MRPS27: variants seen among roughly 807,000 people sequenced by gnomAD.
MRPS27 encodes the protein mitochondrial ribosomal protein S27.
A neutral mutation model predicts 48.9 loss-of-function variants in MRPS27; 43 were observed. That is an observed-to-expected ratio of 0.88 (90% CI 0.69 to 1.13). The LOEUF is 1.13. Ranked by LOEUF, MRPS27 falls within the 50% of genes most tolerant of loss-of-function variation. MRPS27 has a pLI of 0.00. For synonymous variants in MRPS27, 188 were observed against 171.9 expected, an observed-to-expected ratio of 1.09 and a Z score of -0.73; for missense variants, 467 against 476.3, an observed-to-expected ratio of 0.98 and a Z score of 0.18.
At chr5:72,303,013 G>T (rs924213563) in intron 2 of MRPS27, among the ~76,000 whole-genome samples, 1 of 152,158 alleles carries the variant, frequency 6.6e-6, no homozygotes, top group Non-Finnish European at 1.5e-5. Flanking sequence ...ACCAAGCTGA[G>T]AATTTTGTTT....
chr5:72,311,887 C>T (rs2112088416), intron 2 of MRPS27, among the ~76,000 whole-genome samples: 1 of 152,266 alleles, frequency 6.6e-6, no homozygotes, highest in East Asian at 1.9e-4. Flanking sequence ...AATCCCAGCA[C>T]TTTGGGAGGC....
chr5:72,271,912 C>G (rs964547912), intron 4 of MRPS27, among the ~76,000 whole-genome samples: 1 of 152,168 alleles, frequency 6.6e-6, no homozygotes, highest in Non-Finnish European at 1.5e-5. Flanking sequence ...TAGGCTCACA[C>G]TGGGACACAA....
At chr5:72,224,332 C>T (rs551714384) in intron 9 of MRPS27, among the ~76,000 whole-genome samples, 10 of 152,314 alleles carry the variant, frequency 6.6e-5, no homozygotes, top group Non-Finnish European at 1.0e-4. Context: ...GCACTCCAGC[C>T]TGGGTGACAT....
intron 5 of MRPS27, among the ~76,000 whole-genome samples, chr5:72,234,809 C>A (rs1001006364): frequency 2.6e-5 from 4 of 152,054 alleles, no homozygotes; most frequent in Admixed American, 6.6e-5. Flanking sequence ...ACCTATAGAA[C>A]CAGAATCTGT....
At chr5:72,283,308 A>G (rs1333505597) in intron 4 of MRPS27, among the ~76,000 whole-genome samples, 9 of 152,260 alleles carry the variant, frequency 5.9e-5, no homozygotes, top group South Asian at 2.1e-4. Context: ...TCTAGGTTTA[A>G]TTAATTCTAT....
chr5:72,304,364 G>A (rs1399558420), intron 2 of MRPS27, among the ~76,000 whole-genome samples: 1 of 152,156 alleles, frequency 6.6e-6, no homozygotes, highest in East Asian at 1.9e-4. Context: ...TGGTAATCAT[G>A]AAATGATAAT....
intron 1 of MRPS27, 177 bp from the exon 2 acceptor site, chr5:72,314,335 T>C (rs1750514821): frequency 2.2e-6 from 1 of 451,874 alleles, no homozygotes; most frequent in African/African-American, 2.0e-5. Flanking sequence ...ACAAAATGCA[T>C]TCAACCCCTA....
At chr5:72,250,670 T>C (rs1748641595) in intron 4 of MRPS27, among the ~76,000 whole-genome samples, 1 of 152,214 alleles carries the variant, frequency 6.6e-6, no homozygotes, top group South Asian at 2.1e-4. Context: ...CACTGGGTTA[T>C]TATGAAAATC....
chr5:72,308,540 T>C (rs1268849190), intron 2 of MRPS27, among the ~76,000 whole-genome samples: 3 of 152,006 alleles, frequency 2.0e-5, no homozygotes, highest in African/African-American at 7.2e-5. Context: ...CCGCGCCCAC[T>C]CGCCGCGTTC....
At chr5:72,259,760 CTT>C (rs1561343154) in intron 4 of MRPS27, among the ~76,000 whole-genome samples, 1 of 152,048 alleles carries the variant, frequency 6.6e-6, no homozygotes, top group Non-Finnish European at 1.5e-5. Context: ...ATTTTCTTGA[CTT>C]ATATATAAAT....
chr5:72,279,383 C>A (rs537597637), intron 4 of MRPS27, among the ~76,000 whole-genome samples: 1 of 152,252 alleles, frequency 6.6e-6, no homozygotes, highest in East Asian at 1.9e-4. Context: ...ACATGCATTG[C>A]AAATCTTCCC....
At chr5:72,262,226 A>G (rs950412759) in intron 4 of MRPS27, among the ~76,000 whole-genome samples, 3 of 152,186 alleles carry the variant, frequency 2.0e-5, no homozygotes, top group African/African-American at 4.8e-5. Context: ...GTTCTTATCT[A>G]TAAAATGAGA....
At chr5:72,250,564 G>T (rs1748638329) in intron 4 of MRPS27, among the ~76,000 whole-genome samples, 1 of 152,150 alleles carries the variant, frequency 6.6e-6, no homozygotes, top group Non-Finnish European at 1.5e-5. Flanking sequence ...GTGCTGCTCT[G>T]TGTTTGATTA....
chr5:72,251,279 G>A (rs1561339730), intron 4 of MRPS27, among the ~76,000 whole-genome samples: 1 of 152,178 alleles, frequency 6.6e-6, no homozygotes. Flanking sequence ...TCTCAAGACA[G>A]TCTCAAATGA....
intron 4 of MRPS27, among the ~76,000 whole-genome samples, chr5:72,257,214 G>A (rs539812833): frequency 6.6e-6 from 1 of 152,262 alleles, no homozygotes; most frequent in East Asian, 1.9e-4. Context: ...GTGCCTTTGG[G>A]AAAGTCTTAC....
intron 4 of MRPS27, among the ~76,000 whole-genome samples, chr5:72,291,088 C>T (rs1040148885): frequency 2.0e-5 from 3 of 152,196 alleles, no homozygotes; most frequent in Middle Eastern, 3.4e-3. Flanking sequence ...ACCTTTTTTC[C>T]GGTGCTGTAG....
Position 72,283,449 on chromosome 5 carries a change from T to A in MRPS27, c.281+12082A>T, listed in dbSNP as rs78180706. ...AGCTGATGAGCTTCTGAACTTGAAG[T>A]CAGGCCTCATCCACAGCTGGAGCTT... On this transcript the variant is annotated intron_variant, in intron 4 of 10. Transcript: ENST00000261413. 3.7e-3 allele frequency among the ~76,000 whole-genome samples: 566 copies of A among 152,288 alleles called. 1 individual carries two copies. Among genetic ancestry groups the A allele is most frequent in the African/African-American group, 0.013 (550 of 41,564 alleles).
intron 4 of MRPS27, among the ~76,000 whole-genome samples, chr5:72,240,229 T>C (rs753585390): frequency 5.3e-5 from 8 of 152,196 alleles, no homozygotes; most frequent in South Asian, 2.1e-4. Flanking sequence ...TATGAAGATA[T>C]GTAAATTTCC....
At chr5:72,251,285 A>C (rs1453509871) in intron 4 of MRPS27, among the ~76,000 whole-genome samples, 6 of 152,136 alleles carry the variant, frequency 3.9e-5, no homozygotes, top group Admixed American at 3.9e-4. Flanking sequence ...GACAGTCTCA[A>C]ATGAGGAGCT....
Sources: allele counts gnomAD v4.1 joint callset (sites outside exome capture counted in the v4.1 genomes callset), GRCh38; gene constraint gnomAD v4.1.1; transcripts MANE v1.5; gene names NCBI Gene and HGNC (gene_info 2026-07-23, HGNC 2026-07-21).